The following ERC1 variants were observed in gnomAD, a reference collection of about 807,000 sequenced individuals.
ERC1 encodes the protein ELKS/RAB6-interacting/CAST family member 1, also known as RAB6 interacting protein 2.
In ERC1, 56 loss-of-function variants were observed where a neutral mutation model predicts 132.0. That is an observed-to-expected ratio of 0.42 (90% CI 0.34 to 0.53). The LOEUF (loss-of-function observed/expected upper bound fraction) is 0.53. Ranked by LOEUF, ERC1 falls within the 20% of genes least tolerant of loss-of-function variation. The pLI is 0.03. For missense variants in ERC1, 1,202 were observed against 1,349.9 expected (o/e 0.89, Z 1.72); for synonymous variants, 478 against 476.1 (o/e 1.00, Z -0.05).
At chr12:1,400,916 A>ATTATTATTATTATTATTTTTTT (rs2090981093) in intron 16 of ERC1, among the ~76,000 whole-genome samples, 2 of 15,040 alleles carry the variant, frequency 1.3e-4, no homozygotes, top group African/African-American at 6.2e-4. Context: ...CTATTTTTGT[A>ATTATTATTATTATTATTTTTTT]TTTTTTTTTT....
intron 18 of ERC1, among the ~76,000 whole-genome samples, chr12:1,469,218 G>A (rs1295304992): frequency 6.6e-6 from 1 of 152,238 alleles, no homozygotes; most frequent in African/African-American, 2.4e-5. Flanking sequence ...GCTGGTGGGA[G>A]CCTTGAGCCC....
intron 16 of ERC1, among the ~76,000 whole-genome samples, chr12:1,387,982 T>C (rs182441884): frequency 2.2e-4 from 33 of 152,314 alleles, no homozygotes; most frequent in African/African-American, 7.9e-4. Context: ...TGTTGATATA[T>C]GCAAAGAAGA....
chr12:1,171,966 G>A (rs566863636), intron 8 of ERC1, among the ~76,000 whole-genome samples: 1 of 152,274 alleles, frequency 6.6e-6, no homozygotes, highest in East Asian at 1.9e-4. Flanking sequence ...AATTCACTCT[G>A]TAGCTTTGCA....
At chr12:1,356,213 A>AAGTGTGT (rs1491368587) in intron 15 of ERC1, among the ~76,000 whole-genome samples, 1 of 130,010 alleles carries the variant, frequency 7.7e-6, no homozygotes, top group Non-Finnish European at 1.5e-5. Flanking sequence ...AAAAAAAAAA[A>AAGTGTGT]GTGTGTGTGT....
At chr12:1,418,581 CTTTCTTTCTCTTTCTT>C (rs2092242352) in intron 17 of ERC1, among the ~76,000 whole-genome samples, 1 of 102,228 alleles carries the variant, frequency 9.8e-6, no homozygotes, top group Non-Finnish European at 2.3e-5. Flanking sequence ...TTCTTTCTTT[CTTTCTTTCTCTTTCTT>C]TCTTTCTTTC....
At chr12:1,246,349 G>C (rs771932001) in intron 13 of ERC1, among the ~76,000 whole-genome samples, 7 of 151,998 alleles carry the variant, frequency 4.6e-5, no homozygotes, top group Admixed American at 1.3e-4. Flanking sequence ...AAAAAAGATA[G>C]TATTTTAATC....
chr12:1,373,491 A>G (rs1304251007), intron 16 of ERC1, among the ~76,000 whole-genome samples: 3 of 152,226 alleles, frequency 2.0e-5, no homozygotes. Flanking sequence ...TGTGAAAATT[A>G]AGGAAATTGG....
chr12:1,465,222 A>G (rs578116684), intron 18 of ERC1, among the ~76,000 whole-genome samples: 12 of 152,348 alleles, frequency 7.9e-5, no homozygotes, highest in African/African-American at 2.9e-4. Flanking sequence ...CCAAAGAGAC[A>G]TGAATGTGAC....
At chr12:1,368,992 G>A (rs2086921655) in intron 15 of ERC1, among the ~76,000 whole-genome samples, 1 of 152,152 alleles carries the variant, frequency 6.6e-6, no homozygotes, top group Admixed American at 6.5e-5. Context: ...TTTAGAGGAT[G>A]AGAGCCATGG....
chr12:1,228,158 T>C (rs1002858132), intron 12 of ERC1, among the ~76,000 whole-genome samples: 1 of 152,228 alleles, frequency 6.6e-6, no homozygotes, highest in African/African-American at 2.4e-5. Context: ...AGGATTCTTT[T>C]TTCTGTTTTT....
intron 3 of ERC1, among the ~76,000 whole-genome samples, chr12:1,092,187 C>T (rs190119242): frequency 8.5e-5 from 13 of 152,078 alleles, no homozygotes; most frequent in African/African-American, 3.1e-4. Flanking sequence ...TTAGTAGAGA[C>T]GAGGTTTCAC....
intron 12 of ERC1, among the ~76,000 whole-genome samples, chr12:1,204,296 T>G (rs1364414367): frequency 6.6e-6 from 1 of 151,740 alleles, no homozygotes; most frequent in Non-Finnish European, 1.5e-5. Flanking sequence ...AATACAATGG[T>G]GTAATCTAAT....
At chr12:1,203,677 A>G (rs1207126544) in intron 12 of ERC1, among the ~76,000 whole-genome samples, 2 of 152,104 alleles carry the variant, frequency 1.3e-5, no homozygotes, top group Non-Finnish European at 2.9e-5. Flanking sequence ...TAGAAGCCCT[A>G]ACTATTTGGA....
intron 15 of ERC1, among the ~76,000 whole-genome samples, chr12:1,311,994 A>G (rs746490688): frequency 3.3e-5 from 5 of 152,204 alleles, no homozygotes; most frequent in Admixed American, 6.5e-5. Flanking sequence ...TTTGAAAACT[A>G]TGTCCCCATT....
chr12:1,301,519 CATGG>C (rs1411379887), intron 15 of ERC1, among the ~76,000 whole-genome samples: 2 of 152,122 alleles, frequency 1.3e-5, no homozygotes, highest in Non-Finnish European at 2.9e-5. Flanking sequence ...TTTATAGGAA[CATGG>C]ATGGAGCTAG....
chr12:1,450,749 T>C (rs375943444), intron 18 of ERC1, among the ~76,000 whole-genome samples: 1 of 152,338 alleles, frequency 6.6e-6, no homozygotes. Context: ...CTGTACCAAC[T>C]GACATTCCCA....
At chr12:1,235,248 G>C (rs1042577660) in intron 12 of ERC1, among the ~76,000 whole-genome samples, 1 of 152,138 alleles carries the variant, frequency 6.6e-6, no homozygotes, top group African/African-American at 2.4e-5. Context: ...AATTCCAGCT[G>C]TTCAGGAGGC....
intron 15 of ERC1, among the ~76,000 whole-genome samples, chr12:1,320,331 G>A (rs923287061): frequency 1.3e-5 from 2 of 152,292 alleles, no homozygotes; most frequent in South Asian, 4.1e-4. Context: ...ACCCAAATGT[G>A]TATGAAAGTG....
At chr12:1,227,049 A>T (rs985889142) in intron 12 of ERC1, among the ~76,000 whole-genome samples, 10 of 152,170 alleles carry the variant, frequency 6.6e-5, no homozygotes, top group Non-Finnish European at 1.0e-4. Context: ...CATTCATCTG[A>T]TGCACACTTA....
Sources: gnomAD v4.1 joint callset for allele counts (sites outside exome capture counted in the v4.1 genomes callset) on GRCh38, gnomAD v4.1.1 for gene constraint, MANE v1.5 for transcripts, NCBI Gene and HGNC (gene_info 2026-07-23, HGNC 2026-07-21) for gene names.